The following VPS13A variants were observed in gnomAD, a reference collection of about 807,000 sequenced individuals.
The protein encoded by VPS13A is intermembrane lipid transfer protein VPS13A.
VPS13A carries 264 observed loss-of-function variants against 390.9 expected under a neutral mutation model. The observed-to-expected ratio is 0.68, with a 90% confidence interval of 0.61 to 0.75. VPS13A has a LOEUF of 0.75. Ranked by LOEUF, VPS13A falls within the 30% of genes least tolerant of loss-of-function variation. The pLI is 0.00. For missense variants in VPS13A, 3,409 were observed against 3,733.9 expected (o/e 0.91, Z 2.27); for synonymous variants, 1,231 against 1,227.1 (o/e 1.00, Z -0.07).
At chr9:77,318,070 G>T (rs1051239101) in intron 40 of VPS13A, among the ~76,000 whole-genome samples, 165 bp from the exon 41 acceptor site, 1 of 151,712 alleles carries the variant, frequency 6.6e-6, no homozygotes, top group East Asian at 1.9e-4. Context: ...CACATAACAA[G>T]AATTATGGTA....
chr9:77,278,290 G>T (rs57930680), intron 26 of VPS13A, among the ~76,000 whole-genome samples: 1 of 139,710 alleles, frequency 7.2e-6, no homozygotes, highest in Non-Finnish European at 1.5e-5. Context: ...TTTCACCATA[G>T]TCTCAATCTC....
At chr9:77,217,458 C>T (rs1420158770) in intron 10 of VPS13A, among the ~76,000 whole-genome samples, 4 of 152,186 alleles carry the variant, frequency 2.6e-5, no homozygotes, top group African/African-American at 4.8e-5. Context: ...ATCCACCCCT[C>T]TCCCATTTCT....
chr9:77,326,834 G>A (rs1044821489), intron 45 of VPS13A, among the ~76,000 whole-genome samples: 6 of 151,614 alleles, frequency 4.0e-5, no homozygotes, highest in African/African-American at 9.7e-5. Flanking sequence ...TCTTTTAGAC[G>A]GATCTTTACT....
intron 5 of VPS13A, among the ~76,000 whole-genome samples, chr9:77,207,249 A>G (rs1157581596): frequency 1.8e-5 from 2 of 113,398 alleles, no homozygotes; most frequent in Admixed American, 8.7e-5. Flanking sequence ...ATATATATAT[A>G]TATAAAACGT....
At chr9:77,205,550 TTACTC>T in intron 4 of VPS13A, 142 bp downstream of exon 4, 1 of 353,878 alleles carries the variant, frequency 2.8e-6, no homozygotes, top group Non-Finnish European at 4.9e-6. Flanking sequence ...AAATTGGTTT[TTACTC>T]TACATTTTTG....
At chr9:77,253,595 G>A (rs1014479552) in intron 22 of VPS13A, among the ~76,000 whole-genome samples, 5 of 152,100 alleles carry the variant, frequency 3.3e-5, no homozygotes, top group Admixed American at 6.5e-5. Context: ...ATGAGCTGCC[G>A]CACCCGGCTG....
In VPS13A at chr9:77,318,408, T is replaced by C; in HGVS notation, c.5130T>C (p.Ala1710=). 1 of 1,613,848 alleles carries C rather than the reference T, an allele frequency of 6.2e-7. No homozygotes were observed. The highest frequency in any genetic ancestry group is 1.1e-5 in the South Asian group (1 of 91,064). The change falls in exon 41 of 72, where the codon GCT becomes GCC. Residue 1710 remains alanine, a synonymous_variant. Transcript: ENST00000360280. ...AATCAAATGAAACTGAAAAAATAGCTCCCACAACTGAATTGGTACCCAAAG... is the reference window on the plus strand; with the variant it reads ...AATCAAATGAAACTGAAAAAATAGCCCCCACAACTGAATTGGTACCCAAAG... ...LEESNETEKI[A]PTTELVPKGE...
intron 55 of VPS13A, among the ~76,000 whole-genome samples, chr9:77,357,316 C>CAA (rs1156801817): frequency 0.053 from 2,338 of 44,452 alleles, 270 homozygotes; most frequent in Non-Finnish European, 0.059. Flanking sequence ...GACTCTGTCT[C>CAA]AAAAAAAAAA....
chr9:77,191,789 C>T (rs1453758597), intron 1 of VPS13A, among the ~76,000 whole-genome samples: 1 of 152,120 alleles, frequency 6.6e-6, no homozygotes, highest in Non-Finnish European at 1.5e-5. Flanking sequence ...TTGAGAATTG[C>T]TTTATGGTTG....
intron 1 of VPS13A, among the ~76,000 whole-genome samples, chr9:77,189,132 C>CT (rs542812911): frequency 0.21 from 23,570 of 112,060 alleles, 2,949 homozygotes; most frequent in African/African-American, 0.35. Flanking sequence ...TCCCACTTGC[C>CT]TTTTTTTTTT....
intron 23 of VPS13A, among the ~76,000 whole-genome samples, chr9:77,263,803 G>A (rs547589079): frequency 1.3e-5 from 2 of 152,298 alleles, no homozygotes; most frequent in East Asian, 1.9e-4. Context: ...TGGTGTTTTA[G>A]TCATTTAGTC....
At chr9:77,178,814 G>T (rs959032066) in intron 1 of VPS13A, among the ~76,000 whole-genome samples, 7 of 152,298 alleles carry the variant, frequency 4.6e-5, no homozygotes, top group African/African-American at 1.4e-4. Flanking sequence ...TGTGTGAAGT[G>T]TGTGTGTTTA....
rs950619773 is a variant in VPS13A at position 77,407,854 on chromosome 9, C to G, written c.9474+247C>G. Among the ~76,000 whole-genome samples, 6 of 151,958 alleles carry G rather than the reference C, an allele frequency of 3.9e-5. No homozygotes were observed. In the South Asian group the frequency reaches 1.3e-3, roughly 32 times the overall value. ...AGATTGCTCCATCTTATTTTAAATGCTAACTCTAATTAATTTTTTTTAATA... is the reference window on the plus strand; with the variant it reads ...AGATTGCTCCATCTTATTTTAAATGGTAACTCTAATTAATTTTTTTTAATA... On this transcript the variant is annotated intron_variant, in intron 71 of 71. Transcript: ENST00000360280.
chr9:77,210,193 C>G (rs1825895400), intron 6 of VPS13A, among the ~76,000 whole-genome samples: 1 of 133,596 alleles, frequency 7.5e-6, no homozygotes. Context: ...CTTTCTCTTT[C>G]TCTCTTTCTT....
intron 47 of VPS13A, chr9:77,338,945 G>A (rs1830673363): frequency 6.4e-6 from 1 of 156,196 alleles, no homozygotes; most frequent in African/African-American, 2.4e-5. Flanking sequence ...GAGCGGTTAG[G>A]GGACTCTTAA....
intron 13 of VPS13A, among the ~76,000 whole-genome samples, chr9:77,225,680 C>G (rs1004564783): frequency 6.6e-6 from 1 of 152,088 alleles, no homozygotes; most frequent in African/African-American, 2.4e-5. Flanking sequence ...GTTTGGAACT[C>G]TTTATGCAGA....
intron 67 of VPS13A, among the ~76,000 whole-genome samples, chr9:77,377,466 G>T (rs917408029): frequency 3.3e-5 from 5 of 151,878 alleles, no homozygotes; most frequent in African/African-American, 1.2e-4. Context: ...TGATCCACCC[G>T]CCTCGGCCTC....
At position 77,252,265 on chromosome 9, in the gene VPS13A, G is replaced by T. The variant is rs117320408; in HGVS notation, c.2201G>T (p.Ser734Ile). Residue 734 changes from serine to isoleucine, a missense_variant, in exon 22 of 72, where the codon AGT (serine) becomes ATT (isoleucine). By Grantham distance (142) the Ser-to-Ile change is moderately radical. This residue lies in a region of VPS13A where 2,717 missense variants were observed against 2,917.4 expected (regional missense o/e 0.93). Coordinates refer to ENST00000360280, the MANE Select transcript of VPS13A (RefSeq NM_033305.3). Reference sequence around the variant, plus strand: ...AATTGGAGAGAAGCACGAAAACTCAGTGTATCTACCCAGCATATTTTGGTA... The same window carrying T: ...AATTGGAGAGAAGCACGAAAACTCATTGTATCTACCCAGCATATTTTGGTA... Reference protein sequence around the residue: ...GDNWREARKLSVSTQHILVPM... With the variant: ...GDNWREARKLIVSTQHILVPM... 6.2e-7 allele frequency: 1 copy of T among 1,613,856 alleles called. No homozygotes were observed. The highest frequency in any genetic ancestry group is 1.3e-5 in the African/African-American group (1 of 74,940).
intron 36 of VPS13A, 111 bp downstream of exon 36, chr9:77,314,230 C>T (rs987581698): frequency 1.6e-6 from 2 of 1,220,876 alleles, no homozygotes; most frequent in African/African-American, 1.5e-5. Context: ...GTATCTGTCC[C>T]TCTGAGAAAA....
Sources: allele counts gnomAD v4.1 joint callset (sites outside exome capture counted in the v4.1 genomes callset), GRCh38; gene constraint gnomAD v4.1.1; regional missense constraint gnomAD v4.1.1; transcripts MANE v1.5; gene names NCBI Gene and HGNC (gene_info 2026-07-23, HGNC 2026-07-21).